The following FGF13 variants were observed in gnomAD, a reference collection of about 807,000 sequenced individuals.
FGF13 encodes fibroblast growth factor homologous factor 2.
A neutral mutation model predicts 19.5 loss-of-function variants in FGF13; 2 were observed. The observed-to-expected ratio is 0.10, with a 90% CI of 0.04 to 0.32. FGF13 has a LOEUF of 0.32. FGF13 is among the 10% of genes least tolerant of loss of function. The pLI, the probability that FGF13 is intolerant of heterozygous loss-of-function variation, is 1.00. For synonymous variants in FGF13, 72 were observed against 76.9 expected, an observed-to-expected ratio of 0.94 and a Z score of 0.33; for missense variants, 113 against 192.7, an observed-to-expected ratio of 0.59 and a Z score of 2.45.
At chrX:138,906,714 T>A (rs992850990) in intron 1 of FGF13, among the ~76,000 whole-genome samples, 4 of 111,521 alleles carry the variant, frequency 3.6e-5, no homozygotes, top group African/African-American at 6.5e-5. Context: ...CTAGGCCACC[T>A]ATTTTTTTTC....
chrX:139,167,956 T>C (rs944063964), intron 1 of FGF13, among the ~76,000 whole-genome samples: 5 of 112,118 alleles, frequency 4.5e-5, no homozygotes, highest in Non-Finnish European at 9.4e-5. Flanking sequence ...AATCATACAA[T>C]TGTAGTTAAA....
At chrX:139,103,621 C>T (rs2083533731) in intron 1 of FGF13, among the ~76,000 whole-genome samples, 1 of 111,775 alleles carries the variant, frequency 8.9e-6, no homozygotes, top group Non-Finnish European at 1.9e-5. Flanking sequence ...GTAATGGTGG[C>T]AAAATTCTGT....
At chrX:139,183,883 C>G (rs5931583) in intron 1 of FGF13, among the ~76,000 whole-genome samples, 20,638 of 110,718 alleles carry the variant, frequency 0.19, 1,737 homozygotes, top group East Asian at 0.51. Flanking sequence ...ACATACTACT[C>G]AATGCAAGTG....
chrX:139,113,984 A>G (rs1475701230), intron 1 of FGF13, among the ~76,000 whole-genome samples: 1 of 112,203 alleles, frequency 8.9e-6, no homozygotes, highest in African/African-American at 3.2e-5. Flanking sequence ...CTTAATTTCA[A>G]TAATTAATGT....
intron 1 of FGF13, among the ~76,000 whole-genome samples, chrX:138,905,984 C>T (rs367623163): frequency 2.7e-5 from 3 of 111,392 alleles, no homozygotes; most frequent in South Asian, 7.6e-4. Flanking sequence ...ATAGGTTAAG[C>T]AGATGGAAAT....
chrX:139,054,038 T>C (rs952590517), intron 1 of FGF13, among the ~76,000 whole-genome samples: 2 of 110,475 alleles, frequency 1.8e-5, no homozygotes, highest in African/African-American at 6.6e-5. Flanking sequence ...ATGTTTTTGT[T>C]TGCTTTTCAA....
At chrX:139,136,202 TA>T (rs2083798804) in intron 1 of FGF13, among the ~76,000 whole-genome samples, 3 of 111,591 alleles carry the variant, frequency 2.7e-5, no homozygotes, top group Non-Finnish European at 5.6e-5. Context: ...GTTTTTTCAA[TA>T]TATTTTTTTA....
intron 1 of FGF13, among the ~76,000 whole-genome samples, chrX:138,966,286 G>A (rs967797887): frequency 8.9e-6 from 1 of 112,141 alleles, no homozygotes; most frequent in African/African-American, 3.2e-5. Flanking sequence ...TACTGTGCAC[G>A]TGGAAAAGCC....
At chrX:139,091,895 T>A (rs2083442041) in intron 1 of FGF13, among the ~76,000 whole-genome samples, 1 of 106,711 alleles carries the variant, frequency 9.4e-6, no homozygotes, top group African/African-American at 3.4e-5. Flanking sequence ...GGAGGGGAGA[T>A]TCTGTTCCTT....
chrX:138,857,584 G>A (rs781291359), exon 3 of FGF13: 2 of 1,207,456 alleles, frequency 1.7e-6, no homozygotes, highest in South Asian at 1.8e-5. Context: ...CACTTAGCAC[G>A]AAAGGGGGAC....
chrX:139,191,911 T>C (rs1007902418), intron 1 of FGF13, among the ~76,000 whole-genome samples: 1 of 111,441 alleles, frequency 9.0e-6, no homozygotes, highest in Non-Finnish European at 1.9e-5. Context: ...TCTGCTATTC[T>C]AACAGCTGTG....
chrX:138,708,089 A>T (rs1361219960), intron 2 of FGF13, among the ~76,000 whole-genome samples: 1 of 112,651 alleles, frequency 8.9e-6, no homozygotes. Flanking sequence ...GCAAGAAAAC[A>T]TCAATCATCA....
At chrX:138,886,545 C>A (rs978134259) in intron 1 of FGF13, among the ~76,000 whole-genome samples, 1 of 112,051 alleles carries the variant, frequency 8.9e-6, no homozygotes, top group African/African-American at 3.2e-5. Context: ...TAAAGGTGCA[C>A]AGCAATGGCT....
intron 1 of FGF13, among the ~76,000 whole-genome samples, chrX:139,099,799 T>A (rs901495603): frequency 5.4e-5 from 6 of 111,550 alleles, no homozygotes; most frequent in East Asian, 2.8e-4. Context: ...AGAATTTTTT[T>A]AATTACTGTT....
At chrX:138,830,089 A>C (rs1235500626) in intron 3 of FGF13, among the ~76,000 whole-genome samples, 1 of 112,499 alleles carries the variant, frequency 8.9e-6, no homozygotes, top group Non-Finnish European at 1.9e-5. Flanking sequence ...AAATAAAAAC[A>C]GAAAATGGGT....
chrX:139,142,357 A>T (rs2083852263), intron 1 of FGF13, among the ~76,000 whole-genome samples: 1 of 112,136 alleles, frequency 8.9e-6, no homozygotes, highest in Non-Finnish European at 1.9e-5. Context: ...ACCACCACAT[A>T]AAAACATAAA....
chrX:138,913,532 G>T (rs1003005224), intron 1 of FGF13, among the ~76,000 whole-genome samples: 6 of 107,859 alleles, frequency 5.6e-5, no homozygotes, highest in Admixed American at 2.0e-4. Context: ...TGGTGAATTA[G>T]ATTACTCAGA....
chrX:139,152,841 T>A (rs900416337), intron 1 of FGF13, among the ~76,000 whole-genome samples: 1 of 110,939 alleles, frequency 9.0e-6, no homozygotes. Context: ...CTCCTTCACC[T>A]GCAGCCTTTT....
At chrX:138,955,127 T>G (rs2091834517) in intron 1 of FGF13, among the ~76,000 whole-genome samples, 2 of 112,811 alleles carry the variant, frequency 1.8e-5, no homozygotes, top group South Asian at 7.3e-4. Flanking sequence ...CATCTACACT[T>G]AAAAAATAAC....
Sources: gnomAD v4.1 joint callset for allele counts (sites outside exome capture counted in the v4.1 genomes callset) on GRCh38, gnomAD v4.1.1 for gene constraint, MANE v1.5 for transcripts, NCBI Gene and HGNC (gene_info 2026-07-23, HGNC 2026-07-21) for gene names.